Variants in PRMT8 observed in about 807,000 individuals in gnomAD.
PRMT8 encodes the protein protein arginine methyltransferase 8.
PRMT8 carries 7 observed loss-of-function variants against 47.1 expected under a neutral mutation model. The ratio of observed to expected loss-of-function variants is 0.15; its 90% CI spans 0.08 to 0.28. PRMT8 has a LOEUF of 0.28. Among genes scored for constraint, PRMT8 ranks in the 10% least tolerant of loss-of-function variants. PRMT8 has a pLI of 1.00. For missense variants in PRMT8, 237 were observed against 505.4 expected (o/e 0.47, Z 5.09); for synonymous variants, 188 against 186.5 (o/e 1.01, Z -0.07).
chr12:3,443,045 A>G (rs1864820034), intron 1 of PRMT8, among the ~76,000 whole-genome samples: 1 of 152,196 alleles, frequency 6.6e-6, no homozygotes, highest in African/African-American at 2.4e-5. Flanking sequence ...AGTCCCCTAT[A>G]GGTCATTTTT....
intron 6 of PRMT8, among the ~76,000 whole-genome samples, chr12:3,575,551 G>C (rs1159597393): frequency 6.6e-6 from 1 of 152,220 alleles, no homozygotes; most frequent in Non-Finnish European, 1.5e-5. Context: ...TGCTGGGCTT[G>C]AGCCCTCGCC....
intron 7 of PRMT8, among the ~76,000 whole-genome samples, chr12:3,578,112 A>G (rs1866982109): frequency 6.6e-6 from 1 of 152,202 alleles, no homozygotes. Context: ...ATATAATTCA[A>G]GCCAAAAAAA....
At chr12:3,457,688 C>T (rs891769478) in intron 1 of PRMT8, among the ~76,000 whole-genome samples, 7 of 151,966 alleles carry the variant, frequency 4.6e-5, no homozygotes, top group South Asian at 2.1e-4. Context: ...AATATAGTTT[C>T]GAACCACACA....
chr12:3,576,846 T>G lies in PRMT8; in HGVS notation c.713-25T>G. ...AGCTTCTGGGGGTCCTGCGCCTGCCTTCACGTCTTGCTCTGCTCCCACAGG... is the reference window on the plus strand; with the variant it reads ...AGCTTCTGGGGGTCCTGCGCCTGCCGTCACGTCTTGCTCTGCTCCCACAGG... On this transcript the variant is annotated intron_variant, in intron 6 of 9. Coordinates refer to ENST00000382622, the MANE Select transcript of PRMT8 (RefSeq NM_019854.5). This position sits in a 1 kb window ranked among gnomAD's most constrained non-coding sequence, Gnocchi z 4.0. 6.2e-7 allele frequency: 1 copy of G among 1,602,070 alleles called. No individual in the cohort carries two copies. The highest frequency in any genetic ancestry group is 8.6e-7 in the Non-Finnish European group (1 of 1,169,532).
intron 2 of PRMT8, among the ~76,000 whole-genome samples, chr12:3,548,780 A>G (rs1051095545): frequency 4.6e-5 from 7 of 152,328 alleles, no homozygotes; most frequent in African/African-American, 1.7e-4. Flanking sequence ...GCAATTTCTT[A>G]TGAAGTTGAA....
intron 1 of PRMT8, among the ~76,000 whole-genome samples, chr12:3,395,595 G>A (rs1466692245): frequency 6.7e-6 from 1 of 150,162 alleles, no homozygotes; most frequent in Non-Finnish European, 1.5e-5. Context: ...TATAATTTCT[G>A]TTCTTTTACA....
Position 3,569,212 on chromosome 12 carries a change from A to G in PRMT8, c.625-265A>G, listed in dbSNP as rs1006854483. Reference sequence around the variant, plus strand: ...GGCTTCTCCAGGCCAAAGTCGTAACATCTCTCACTGCTCCTCACTGGATTT... The same window carrying G: ...GGCTTCTCCAGGCCAAAGTCGTAACGTCTCTCACTGCTCCTCACTGGATTT... On this transcript the variant is annotated intron_variant, in intron 5 of 9. Transcript: ENST00000382622. The surrounding 1 kb of genome is among the most constrained non-coding windows in gnomAD (Gnocchi z 8.2). Among the ~76,000 whole-genome samples the G allele has an allele frequency of 6.6e-6, 1 of 152,180 alleles. No individual in the cohort carries two copies. Among genetic ancestry groups the G allele is most frequent in the Non-Finnish European group, 1.5e-5 (1 of 68,022 alleles).
intron 1 of PRMT8, among the ~76,000 whole-genome samples, chr12:3,420,573 G>T (rs1333999244): frequency 6.6e-6 from 1 of 152,180 alleles, no homozygotes; most frequent in Non-Finnish European, 1.5e-5. Context: ...CAACTTAAGG[G>T]TAATACAAAG....
At chr12:3,422,210 A>G (rs1478021115) in intron 1 of PRMT8, among the ~76,000 whole-genome samples, 1 of 152,090 alleles carries the variant, frequency 6.6e-6, no homozygotes, top group Non-Finnish European at 1.5e-5. Flanking sequence ...GGTGCTTGTT[A>G]TTTCCCACCA....
intron 1 of PRMT8, among the ~76,000 whole-genome samples, chr12:3,480,739 T>C (rs1865266570): frequency 6.6e-6 from 1 of 152,172 alleles, no homozygotes; most frequent in Non-Finnish European, 1.5e-5. Flanking sequence ...TAAATACCAG[T>C]GTAACATGAT....
chr12:3,540,939 G>C, intron 2 of PRMT8, 148 bp downstream of exon 2: 1 of 992,746 alleles, frequency 1.0e-6, no homozygotes, highest in Middle Eastern at 3.0e-4. Flanking sequence ...TCTCCAATCC[G>C]GGGGGCCCCT....
At chr12:3,567,259 A>G (rs556561865) in intron 4 of PRMT8, among the ~76,000 whole-genome samples, 49 of 152,322 alleles carry the variant, frequency 3.2e-4, no homozygotes, top group African/African-American at 1.1e-3. Context: ...ATTGCTTTTC[A>G]TGGTTGTTCA....
chr12:3,391,799 T>C (rs1864195447), intron 1 of PRMT8, among the ~76,000 whole-genome samples: 1 of 152,066 alleles, frequency 6.6e-6, no homozygotes, highest in Non-Finnish European at 1.5e-5. Context: ...GGCCATCAAA[T>C]GAATGAGCAC....
chr12:3,414,152 G>A (rs1864461312), intron 1 of PRMT8, among the ~76,000 whole-genome samples: 1 of 152,156 alleles, frequency 6.6e-6, no homozygotes, highest in Admixed American at 6.5e-5. Context: ...TTTTAAAAAT[G>A]CTAATTTTGT....
intron 1 of PRMT8, among the ~76,000 whole-genome samples, chr12:3,506,334 T>G (rs1384448701): frequency 6.6e-6 from 1 of 152,146 alleles, no homozygotes; most frequent in Non-Finnish European, 1.5e-5. Context: ...CAACAGTATA[T>G]GAAAGGAGAA....
intron 1 of PRMT8, among the ~76,000 whole-genome samples, chr12:3,422,250 C>A (rs1864550143): frequency 6.6e-6 from 1 of 152,344 alleles, no homozygotes; most frequent in Non-Finnish European, 1.5e-5. Context: ...CACCTGCCAA[C>A]CTTCGTGGTT....
rs1361955939 is a variant in PRMT8 at position 3,550,003 on chromosome 12, T to C, written c.329T>C (p.Phe110Ser). The part of the protein sequence containing the change: ...RNSMYHNKHV[F>S]KDKVVLDVGS... ...TCCATGTACCACAACAAGCACGTGTTCAAGGACAAAGTGGTACTGGATGTG... is the reference window on the plus strand; with the variant it reads ...TCCATGTACCACAACAAGCACGTGTCCAAGGACAAAGTGGTACTGGATGTG... Residue 110 changes from phenylalanine to serine, a missense_variant, in exon 3 of 10, where the codon TTC (phenylalanine) becomes TCC (serine). By Grantham distance (155) the Phe-to-Ser change is radical. Around this residue, in one of 5 missense-constraint regions of PRMT8, gnomAD observed 32 missense variants for 73.7 expected, o/e 0.43. Transcript: ENST00000382622. This position sits in a 1 kb window ranked among gnomAD's most constrained non-coding sequence, Gnocchi z 5.1. 3 of 1,614,092 alleles carry C rather than the reference T, an allele frequency of 1.9e-6. No individual in the cohort carries two copies. The highest frequency in any genetic ancestry group is 2.5e-6 in the Non-Finnish European group (3 of 1,180,038).
intron 1 of PRMT8, among the ~76,000 whole-genome samples, chr12:3,410,528 A>G (rs925457039): frequency 6.6e-6 from 1 of 151,922 alleles, no homozygotes; most frequent in South Asian, 2.1e-4. Context: ...TGTTTTTTTG[A>G]GACGGAGTCT....
chr12:3,587,161 T>G (rs1197284337), intron 8 of PRMT8, among the ~76,000 whole-genome samples: 3 of 149,090 alleles, frequency 2.0e-5, no homozygotes, highest in Non-Finnish European at 4.5e-5. Flanking sequence ...TCACTTTTTT[T>G]GCTAATTTAT....
Sources: allele counts gnomAD v4.1 joint callset (sites outside exome capture counted in the v4.1 genomes callset), GRCh38; gene constraint gnomAD v4.1.1; regional missense constraint gnomAD v4.1.1; non-coding constraint Gnocchi (gnomAD v3.1); transcripts MANE v1.5; gene names NCBI Gene and HGNC (gene_info 2026-07-23, HGNC 2026-07-21).